The following SPMIP4 variants were observed in gnomAD, a reference collection of about 807,000 sequenced individuals.
SPMIP4 encodes sperm microtubule inner protein 4.
the SPMIP4 span, among the ~76,000 whole-genome samples, chr7:25,164,836 C>T: frequency 6.6e-6 from 1 of 152,158 alleles, no homozygotes; most frequent in African/African-American, 2.4e-5. Context: ...GCTTTTGTAT[C>T]CTCATAGCTT....
the SPMIP4 span, among the ~76,000 whole-genome samples, chr7:25,152,056 C>T: frequency 0.6 from 91,061 of 151,932 alleles, 28,494 homozygotes; most frequent in Non-Finnish European, 0.69. Flanking sequence ...AGTCTTTAAC[C>T]CTAGTGCTCT....
At chr7:25,158,012 C>T in the SPMIP4 span, among the ~76,000 whole-genome samples, 33,040 of 152,106 alleles carry the variant, frequency 0.22, 5,778 homozygotes, top group African/African-American at 0.49. Flanking sequence ...GGGGATATAA[C>T]AGGAGAGAAA....
At chr7:25,170,980 G>C in the SPMIP4 span, among the ~76,000 whole-genome samples, 1 of 152,226 alleles carries the variant, frequency 6.6e-6, no homozygotes, top group Non-Finnish European at 1.5e-5. Flanking sequence ...GAGCTTCTTA[G>C]AAATGCAAAT....
At chr7:25,168,452 T>G in the SPMIP4 span, 2 of 1,590,278 alleles carry the variant, frequency 1.3e-6, no homozygotes, top group Non-Finnish European at 1.7e-6. Context: ...AGTGACTCCC[T>G]TAATTCCTGA....
the SPMIP4 span, among the ~76,000 whole-genome samples, chr7:25,177,919 T>C: frequency 1.6e-3 from 242 of 152,340 alleles, 1 homozygote; most frequent in Middle Eastern, 0.02. Context: ...GTGATAAGCA[T>C]AGTACCCAAG....
chr7:25,162,646 G>T, the SPMIP4 span, among the ~76,000 whole-genome samples: 2 of 152,140 alleles, frequency 1.3e-5, no homozygotes, highest in Admixed American at 6.5e-5. Context: ...AGATGGCCGG[G>T]AGTGTGAGGA....
At chr7:25,135,823 T>C in the SPMIP4 span, 1 of 1,378,250 alleles carries the variant, frequency 7.3e-7, no homozygotes, top group Non-Finnish European at 9.4e-7. Flanking sequence ...TCCAACCAGA[T>C]ACTAACTTAA....
At chr7:25,173,031 A>C in the SPMIP4 span, among the ~76,000 whole-genome samples, 23,040 of 143,394 alleles carry the variant, frequency 0.16, 2,789 homozygotes, top group African/African-American at 0.33. The surrounding 1 kb of genome is among the most constrained non-coding windows in gnomAD (Gnocchi z 4.4). Context: ...AGGGGGAAGA[A>C]AGTGGGAGAA....
the SPMIP4 span, among the ~76,000 whole-genome samples, chr7:25,169,205 CAT>C: frequency 5.3e-5 from 8 of 151,954 alleles, no homozygotes; most frequent in African/African-American, 1.7e-4. Context: ...GCCTGGGCAA[CAT>C]AGCAAGACCC....
chr7:25,170,944 A>C, the SPMIP4 span, among the ~76,000 whole-genome samples: 1 of 152,236 alleles, frequency 6.6e-6, no homozygotes, highest in Non-Finnish European at 1.5e-5. Flanking sequence ...AGTGGTCCCT[A>C]GACTAGTTGC....
chr7:25,138,189 TAATC>T, the SPMIP4 span, among the ~76,000 whole-genome samples: 1 of 152,176 alleles, frequency 6.6e-6, no homozygotes, highest in Non-Finnish European at 1.5e-5. The surrounding 1 kb of genome is among the most constrained non-coding windows in gnomAD (Gnocchi z 6.2). Flanking sequence ...CTTTTGTTCT[TAATC>T]AATCTAACTA....
chr7:25,129,882 A>G, the SPMIP4 span, among the ~76,000 whole-genome samples: 4 of 152,040 alleles, frequency 2.6e-5, no homozygotes, highest in Non-Finnish European at 5.9e-5. Context: ...CCAGCCAAGC[A>G]GAAGGATGGG....
At chr7:25,168,365 T>G in the SPMIP4 span, 1 of 1,613,494 alleles carries the variant, frequency 6.2e-7, no homozygotes, top group South Asian at 1.1e-5. Context: ...TACTTTGGCC[T>G]GTGGTCCTCG....
At chr7:25,149,571 A>G in the SPMIP4 span, among the ~76,000 whole-genome samples, 10 of 152,346 alleles carry the variant, frequency 6.6e-5, no homozygotes, top group East Asian at 1.9e-3. Context: ...TAAATCAGCC[A>G]AAAATATTTA....
the SPMIP4 span, among the ~76,000 whole-genome samples, chr7:25,167,336 T>C: frequency 6.6e-6 from 1 of 152,340 alleles, no homozygotes; most frequent in Admixed American, 6.5e-5. Flanking sequence ...GCTGAATCTC[T>C]TGGGTCTGTT....
the SPMIP4 span, among the ~76,000 whole-genome samples, chr7:25,138,770 T>C: frequency 6.6e-6 from 1 of 152,346 alleles, no homozygotes; most frequent in Middle Eastern, 3.4e-3. This position sits in a 1 kb window ranked among gnomAD's most constrained non-coding sequence, Gnocchi z 6.2. Context: ...AAAACATATG[T>C]CCATACACAG....
chr7:25,159,819 G>C, the SPMIP4 span, among the ~76,000 whole-genome samples: 1 of 152,088 alleles, frequency 6.6e-6, no homozygotes. Context: ...CAAAGGGCAG[G>C]GAAGTGATGA....
the SPMIP4 span, among the ~76,000 whole-genome samples, chr7:25,128,633 T>C: frequency 8.5e-5 from 13 of 152,186 alleles, no homozygotes; most frequent in Non-Finnish European, 5.9e-5. This position sits in a 1 kb window ranked among gnomAD's most constrained non-coding sequence, Gnocchi z 4.5. Flanking sequence ...CCAGAAATGC[T>C]GTCTAGGAGC....
chr7:25,132,329 C>A, the SPMIP4 span, among the ~76,000 whole-genome samples: 1 of 152,226 alleles, frequency 6.6e-6, no homozygotes, highest in South Asian at 2.1e-4. The surrounding 1 kb of genome is among the most constrained non-coding windows in gnomAD (Gnocchi z 5.0). Context: ...GATTTTTAGT[C>A]GACCTAGGAA....
Sources: allele counts gnomAD v4.1 joint callset (sites outside exome capture counted in the v4.1 genomes callset), GRCh38; gene constraint gnomAD v4.1.1; non-coding constraint Gnocchi (gnomAD v3.1); transcripts MANE v1.5; gene names NCBI Gene and HGNC (gene_info 2026-07-23, HGNC 2026-07-21).